The following YOD1 variants were observed in gnomAD, a reference collection of about 807,000 sequenced individuals.
YOD1 encodes YOD1 deubiquitinase.
A neutral mutation model predicts 23.7 loss-of-function variants in YOD1; 17 were observed. That is an observed-to-expected ratio of 0.72 (90% confidence interval 0.49 to 1.07). The LOEUF (loss-of-function observed/expected upper bound fraction) is 1.07, where lower values mean the gene tolerates loss of function less well. Among genes scored for constraint, YOD1 ranks in the 50% least tolerant of loss-of-function variants. The probability of loss-of-function intolerance (pLI) is 0.00; values close to 1 mark genes in which losing one functional copy is unlikely to be tolerated. For missense variants in YOD1, 413 were observed against 447.2 expected (o/e 0.92, Z 0.69); for synonymous variants, 191 against 169.6 (o/e 1.13, Z -0.98).
At position 207,046,352 on chromosome 1, in the gene YOD1, T is replaced by C. The variant is rs903169094; in HGVS notation, c.*2668A>G. 1.3e-5 allele frequency: 2 copies of C among 151,796 alleles called. No individual in the cohort carries two copies. The highest frequency in any genetic ancestry group is 4.8e-5 in the African/African-American group (2 of 41,340). 9.4% of individuals were successfully genotyped at this position (151,796 alleles called of 1,614,324 possible). On this transcript the variant is annotated 3_prime_UTR_variant, in exon 2 of 2. Transcript: ENST00000315927. The stretch of plus-strand genomic sequence containing the variant: ...GAATTTACTCCCTTTAATAACTAAT[T>C]CCAAGAGTTTAATAAGCACAGTAAA...
chr1:207,048,410 T>C lies in YOD1; in HGVS notation c.*610A>G, dbSNP rs752072898. ...GCACACATTTATAATGTCTACCAAATTGCAATATAAAATCAGTTTGGACAA... is the reference window on the plus strand; with the variant it reads ...GCACACATTTATAATGTCTACCAAACTGCAATATAAAATCAGTTTGGACAA... On this transcript the variant is annotated 3_prime_UTR_variant, in exon 2 of 2. Transcript: ENST00000315927. 1.3e-5 allele frequency: 2 copies of C among 153,632 alleles called. No individual in the cohort carries two copies. Among genetic ancestry groups the C allele is most frequent in the African/African-American group, 2.4e-5 (1 of 41,458 alleles). 9.5% of individuals were successfully genotyped at this position (153,632 alleles called of 1,614,324 possible). A position where few individuals can be genotyped will look rare whatever the true frequency, so the allele number is the denominator to read the frequency against.
At position 207,049,545 on chromosome 1, in the gene YOD1, C is replaced by T. The variant is rs748877940; in HGVS notation, c.522G>A (p.Leu174=). ...SVYYVVEGGV[L]NPACAPEMRR... ...TCATCTCAGGGGCACAAGCTGGATT[C>T]AAGACTCCTCCTTCGACGACATAGT... Residue 174 remains leucine, a synonymous_variant, in exon 2 of 2, where the codon TTG becomes TTA. Transcript: ENST00000315927. The T allele has an allele frequency of 6.2e-7, 1 of 1,614,126 alleles. No individual in the cohort carries two copies. Among genetic ancestry groups the T allele is most frequent in the East Asian group, 2.2e-5 (1 of 44,876 alleles).
rs1262834566 is a variant in YOD1, at chr1:207,048,592, C to T, written c.*428G>A. ...ACCCAAAATGTGATGCTTTCTTCTA[C>T]AAGTTAAAGCTGCTGGGTGCTAGTT... On this transcript the variant is annotated 3_prime_UTR_variant, in exon 2 of 2. Transcript: ENST00000315927. 1 of 160,266 alleles carries T rather than the reference C, an allele frequency of 6.2e-6. No homozygotes were observed. Among genetic ancestry groups the T allele is most frequent in the East Asian group, 1.9e-4 (1 of 5,390 alleles). 9.9% of individuals were successfully genotyped at this position (160,266 alleles called of 1,614,324 possible). A position where few individuals can be genotyped will look rare whatever the true frequency, so the allele number is the denominator to read the frequency against.
At position 207,051,052 on chromosome 1, in the gene YOD1, G is replaced by A; in HGVS notation, c.-22C>T. ...ACATCGCGAGAAGTTGCGGGTGGTT[G>A]CAGTTATCGCGACGCTTCGGTGCGG... On this transcript the variant is annotated 5_prime_UTR_variant, in exon 1 of 2. Transcript: ENST00000315927. 1 of 1,480,346 alleles carries A rather than the reference G, an allele frequency of 6.8e-7. No individual in the cohort carries two copies. The allele number at this position is 1,480,346 out of a possible 1,614,324, so 91.7% of individuals were successfully genotyped here.
rs1682549246 is a variant in YOD1 at position 207,044,582 on chromosome 1, CAT to C, written c.*4436_*4437del. 1 of 152,338 alleles carries C rather than the reference CAT, an allele frequency of 6.6e-6. No homozygotes were observed. Among genetic ancestry groups the C allele is most frequent in the Non-Finnish European group, 1.5e-5 (1 of 67,960 alleles). 9.4% of individuals were successfully genotyped at this position (152,338 alleles called of 1,614,324 possible). ...ATATGTTGGTTAGTACTTTTAAAAA[CAT>C]ATGTATAAAAGGGCATCATGGCAAA... On this transcript the variant is annotated 3_prime_UTR_variant, in exon 2 of 2. Transcript: ENST00000315927.
chr1:207,044,960 T>C lies in YOD1; in HGVS notation c.*4060A>G, dbSNP rs145907760. On this transcript the variant is annotated 3_prime_UTR_variant, in exon 2 of 2. Coordinates refer to ENST00000315927, the MANE Select transcript of YOD1 (RefSeq NM_018566.4). ...GCACTGTAAGCAAAATGCTAGATAA[T>C]TTTGAGAAAAATAAACACTCTCCCA... 3 of 152,616 alleles carry C rather than the reference T, an allele frequency of 2.0e-5. No individual in the cohort carries two copies. The highest frequency in any genetic ancestry group is 7.2e-5 in the African/African-American group (3 of 41,560). The allele number at this position is 152,616 out of a possible 1,614,324, so 9.5% of individuals were successfully genotyped here. A position where few individuals can be genotyped will look rare whatever the true frequency, so the allele number is the denominator to read the frequency against.
At position 207,047,916 on chromosome 1, in the gene YOD1, C is replaced by T. The variant is rs1682636820; in HGVS notation, c.*1104G>A. ...AGAAATGTGAAATTATTTAAAATAA[C>T]TTTAGTGGAGGGATAAGGCTAGCAC... is the stretch of plus-strand genomic sequence containing the variant. On this transcript the variant is annotated 3_prime_UTR_variant, in exon 2 of 2. Transcript: ENST00000315927. 2.0e-5 allele frequency: 3 copies of T among 152,246 alleles called. No individual in the cohort carries two copies. The South Asian group carries it at 6.2e-4, about 32-fold the overall frequency. The allele number at this position is 152,246 out of a possible 1,614,324, so 9.4% of individuals were successfully genotyped here. A position where few individuals can be genotyped will look rare whatever the true frequency, so the allele number is the denominator to read the frequency against.
In YOD1 at chr1:207,045,852, G is replaced by A. The variant is rs1003327915; in HGVS notation, c.*3168C>T. ...CTGGGACTTCATGGAATAATCAAGC[G>A]GCATGACTACATTAGTTGTTAAAAA... is the stretch of plus-strand genomic sequence containing the variant. On this transcript the variant is annotated 3_prime_UTR_variant, in exon 2 of 2. Transcript: ENST00000315927. The A allele has an allele frequency of 8.6e-5, 13 of 151,812 alleles. No homozygotes were observed. The highest frequency in any genetic ancestry group is 2.2e-4 in the African/African-American group (9 of 41,342). 9.4% of individuals were successfully genotyped at this position (151,812 alleles called of 1,614,324 possible).
Position 207,049,000 on chromosome 1 carries a change from A to G in YOD1, c.*20T>C. 6.2e-7 allele frequency: 1 copy of G among 1,603,726 alleles called. No individual in the cohort carries two copies. The highest frequency in any genetic ancestry group is 1.1e-5 in the South Asian group (1 of 89,622). ...CTGGATGTGTGAGGTAGTAGGCTTC[A>G]ACCCTCATTCATGCATAGGTCACAC... is the stretch of plus-strand genomic sequence containing the variant. On this transcript the variant is annotated 3_prime_UTR_variant, in exon 2 of 2. Coordinates refer to ENST00000315927, the MANE Select transcript of YOD1 (RefSeq NM_018566.4).
chr1:207,049,095 C>A lies in YOD1; in HGVS notation c.972G>T (p.Gln324His). The change falls in exon 2 of 2, where the codon CAG becomes CAT. Residue 324 changes from glutamine (Q) to histidine (H), a missense_variant. Transcript: ENST00000315927. ...NRFTLRCMVC[Q>H]KGLTGQAEAR... is the part of the protein sequence containing the mutation. ...CTTCTGCTTGTCCAGTTAATCCTTTCTGACATACCATGCATCTCAGGGTGA... is the reference window on the plus strand; with the variant it reads ...CTTCTGCTTGTCCAGTTAATCCTTTATGACATACCATGCATCTCAGGGTGA... 1 of 1,613,978 alleles carries A rather than the reference C, an allele frequency of 6.2e-7. No homozygotes were observed. The highest frequency in any genetic ancestry group is 1.1e-5 in the South Asian group (1 of 91,078).
rs1005114639 is a variant in YOD1 at position 207,045,588 on chromosome 1, C to G, written c.*3432G>C. On this transcript the variant is annotated 3_prime_UTR_variant, in exon 2 of 2. Transcript: ENST00000315927. ...TTCTTAGTATGTTTAGGAAGGCCAC[C>G]TGATTTGTCAAAAAAAAAAAAAAAT... 6.7e-6 allele frequency: 1 copy of G among 149,734 alleles called. No homozygotes were observed. Among genetic ancestry groups the G allele is most frequent in the African/African-American group, 2.5e-5 (1 of 40,222 alleles). 9.3% of individuals were successfully genotyped at this position (149,734 alleles called of 1,614,324 possible). A position where few individuals can be genotyped will look rare whatever the true frequency, so the allele number is the denominator to read the frequency against.
rs1242858693 is a variant in YOD1 at position 207,047,379 on chromosome 1, T to G, written c.*1641A>C. ...TCTTTTCTCTTATATTGTTCAAATG[T>G]TCCTTAATTTTATATGGCCACCTTC... On this transcript the variant is annotated 3_prime_UTR_variant, in exon 2 of 2. Transcript: ENST00000315927. 1 of 152,542 alleles carries G rather than the reference T, an allele frequency of 6.6e-6. No individual in the cohort carries two copies. The highest frequency in any genetic ancestry group is 1.5e-5 in the Non-Finnish European group (1 of 67,990). 9.4% of individuals were successfully genotyped at this position (152,542 alleles called of 1,614,324 possible).
rs1682614516 is a variant in YOD1 at position 207,046,964 on chromosome 1, G to GA, written c.*2055dup. 7.0e-6 allele frequency: 1 copy of GA among 143,272 alleles called. No individual in the cohort carries two copies. Among genetic ancestry groups the GA allele is most frequent in the Non-Finnish European group, 1.5e-5 (1 of 67,852 alleles). 8.9% of individuals were successfully genotyped at this position (143,272 alleles called of 1,614,324 possible). ...CAACTCTGTGTCCTGAAGTAGCAAA[G>GA]AAAGGAAGGCAAGCTTTCTGAGTAA... is the stretch of plus-strand genomic sequence containing the variant. On this transcript the variant is annotated 3_prime_UTR_variant, in exon 2 of 2. Coordinates refer to ENST00000315927, the MANE Select transcript of YOD1 (RefSeq NM_018566.4).
At chr1:207,050,656 G>C (rs772400689) in intron 1 of YOD1, 32 bp downstream of exon 1, 2 of 1,609,490 alleles carry the variant, frequency 1.2e-6, no homozygotes, top group East Asian at 2.2e-5. Context: ...ATCCTCCCGG[G>C]ACTTTCCCTG....
Position 207,049,386 on chromosome 1 carries a change from A to T in YOD1, c.681T>A (p.Ile227=). The T allele has an allele frequency of 6.2e-7, 1 of 1,614,172 alleles. No homozygotes were observed. The highest frequency in any genetic ancestry group is 8.5e-7 in the Non-Finnish European group (1 of 1,180,024). Residue 227 remains isoleucine, a synonymous_variant, in exon 2 of 2, where the codon ATT becomes ATA. Coordinates refer to ENST00000315927, the MANE Select transcript of YOD1 (RefSeq NM_018566.4). The part of the protein sequence containing the change: ...DTWGGAIEIS[I]LSKFYQCEIC... Reference sequence around the variant, plus strand: ...TTTCACATTGGTAAAACTTGGACAAAATCGATATCTCTATTGCTCCTCCCC... The same window carrying T: ...TTTCACATTGGTAAAACTTGGACAATATCGATATCTCTATTGCTCCTCCCC...
rs1192385719 is a variant in YOD1 at position 207,050,971 on chromosome 1, G to C, written c.60C>G (p.Gly20=). 1.3e-6 allele frequency: 2 copies of C among 1,545,500 alleles called. No individual in the cohort carries two copies. The highest frequency in any genetic ancestry group is 2.3e-5 in the South Asian group (2 of 85,956). The stretch of plus-strand genomic sequence containing the variant: ...TCCCGGCAGCCTGTTGGGAGACGCC[G>C]CCGGGGAAACCAGGCGCCGGGTGGA... ...FGVHPAPGFP[G]GVSQQAAGTK... The change falls in exon 1 of 2, where the codon GGC becomes GGG. Residue 20 remains glycine, a synonymous_variant. Transcript: ENST00000315927.
At chr1:207,052,355 G>A, upstream of YOD1, 4 of 843,748 alleles carry the variant, frequency 4.7e-6, no homozygotes, top group South Asian at 6.1e-5. Flanking sequence ...AGGGAAGGTA[G>A]GAGTGGTTAG....
Position 207,050,797 on chromosome 1 carries a change from G to T in YOD1, c.234C>A (p.Ala78=). 1 of 1,613,446 alleles carries T rather than the reference G, an allele frequency of 6.2e-7. No individual in the cohort carries two copies. Among genetic ancestry groups the T allele is most frequent in the Non-Finnish European group, 8.5e-7 (1 of 1,180,012 alleles). The change falls in exon 1 of 2, where the codon GCC becomes GCA. Residue 78 remains alanine, a synonymous_variant. Transcript: ENST00000315927. ...RVRELQGQIA[A]ITGIAPGGQR... is the part of the protein sequence containing the mutation. Reference sequence around the variant, plus strand: ...GACCGCCGGGGGCGATCCCGGTGATGGCGGCAATTTGGCCCTGGAGTTCCC... The same window carrying T: ...GACCGCCGGGGGCGATCCCGGTGATTGCGGCAATTTGGCCCTGGAGTTCCC...
upstream of YOD1, chr1:207,052,224 T>TA (rs747517196): frequency 1.2e-6 from 2 of 1,612,656 alleles, no homozygotes; most frequent in South Asian, 2.2e-5. Flanking sequence ...AAATTATATG[T>TA]AATGTTTCCA....
Sources: allele counts gnomAD v4.1 joint callset, GRCh38; gene constraint gnomAD v4.1.1; transcripts MANE v1.5; gene names NCBI Gene and HGNC (gene_info 2026-07-23, HGNC 2026-07-21).